The following COL5A1 variants were observed in gnomAD, a reference collection of about 807,000 sequenced individuals.
COL5A1 encodes collagen type V alpha 1 chain.
A neutral mutation model predicts 263.7 loss-of-function variants in COL5A1; 16 were observed. That is an observed-to-expected ratio of 0.06 (90% CI 0.04 to 0.09). COL5A1 has a LOEUF of 0.09. COL5A1 is among the 10% of genes least tolerant of loss of function. The pLI is 1.00. For missense variants in COL5A1, 2,036 were observed against 2,540.5 expected, an observed-to-expected ratio of 0.80 and a Z score of 4.27; for synonymous variants, 1,012 against 1,004.5, an observed-to-expected ratio of 1.01 and a Z score of -0.14.
intron 4 of COL5A1, among the ~76,000 whole-genome samples, chr9:134,705,378 G>C (rs1281003720): frequency 6.6e-6 from 1 of 152,252 alleles, no homozygotes; most frequent in Non-Finnish European, 1.5e-5. Flanking sequence ...TGCGCCTGCA[G>C]ACCAGGCCCT....
Position 134,755,755 on chromosome 9 carries a change from C to T in COL5A1, c.1828-1010C>T, listed in dbSNP as rs962899470. Among the ~76,000 whole-genome samples, 1 of 152,196 alleles carries T rather than the reference C, an allele frequency of 6.6e-6. No individual in the cohort carries two copies. Among genetic ancestry groups the T allele is most frequent in the African/African-American group, 2.4e-5 (1 of 41,454 alleles). ...AGGGCGATGTCTTTTTGGGGAGCAA[C>T]GGGAGCACCGACTGTCTCCTTGGGG... On this transcript the variant is annotated intron_variant, in intron 16 of 65. Transcript: ENST00000371817. This position sits in a 1 kb window ranked among gnomAD's most constrained non-coding sequence, Gnocchi z 4.1.
Position 134,807,093 on chromosome 9 carries a change from C to A in COL5A1, c.3366+797C>A, listed in dbSNP as rs370761848. Among the ~76,000 whole-genome samples, 4 of 152,326 alleles carry A rather than the reference C, an allele frequency of 2.6e-5. No homozygotes were observed. The East Asian group carries it at 5.8e-4, about 22-fold the overall frequency. On this transcript the variant is annotated intron_variant, in intron 42 of 65. Transcript: ENST00000371817. Reference sequence around the variant, plus strand: ...CCGTCCAGAAGTGGTCCACCCTGACCCGTATTTGGCTTCTGCCACACAATT... The same window carrying A: ...CCGTCCAGAAGTGGTCCACCCTGACACGTATTTGGCTTCTGCCACACAATT...
chr9:134,686,594 C>T lies in COL5A1; in HGVS notation c.110-4318C>T, dbSNP rs746178042. ...CACCTCCCTTCTTCCTTAAAACTGACCTTGCTGGCGTCCATTCCTTTATAG... is the reference window on the plus strand; with the variant it reads ...CACCTCCCTTCTTCCTTAAAACTGATCTTGCTGGCGTCCATTCCTTTATAG... On this transcript the variant is annotated intron_variant, in intron 1 of 65. Coordinates refer to ENST00000371817, the MANE Select transcript of COL5A1 (RefSeq NM_000093.5). The surrounding 1 kb of genome is among the most constrained non-coding windows in gnomAD (Gnocchi z 4.6). Among the ~76,000 whole-genome samples, 1 of 152,142 alleles carries T rather than the reference C, an allele frequency of 6.6e-6. No homozygotes were observed. The highest frequency in any genetic ancestry group is 2.1e-4 in the South Asian group (1 of 4,826).
intron 35 of COL5A1, among the ~76,000 whole-genome samples, 163 bp downstream of exon 35, chr9:134,796,581 T>A: frequency 6.6e-6 from 1 of 151,982 alleles, no homozygotes; most frequent in East Asian, 1.9e-4. Context: ...GCCCTGGGAG[T>A]GAACTCTTCC....
chr9:134,677,537 T>C lies in COL5A1; in HGVS notation c.110-13375T>C, dbSNP rs1832714425. Among the ~76,000 whole-genome samples, 1 of 152,170 alleles carries C rather than the reference T, an allele frequency of 6.6e-6. No individual in the cohort carries two copies. The highest frequency in any genetic ancestry group is 1.5e-5 in the Non-Finnish European group (1 of 68,018). ...CAGGCTCTTGCCCCTGATGCTGAAA[T>C]GATAGGAGGGTGAGGTTTATCAGCG... On this transcript the variant is annotated intron_variant, in intron 1 of 65. Transcript: ENST00000371817. This position sits in a 1 kb window ranked among gnomAD's most constrained non-coding sequence, Gnocchi z 4.4.
intron 4 of COL5A1, among the ~76,000 whole-genome samples, chr9:134,718,629 A>G (rs1295859262): frequency 6.6e-6 from 1 of 152,196 alleles, no homozygotes; most frequent in African/African-American, 2.4e-5. Flanking sequence ...GTGATGGGAC[A>G]AAGTTTTGGG....
chr9:134,725,110 G>A (rs889887708), intron 4 of COL5A1, among the ~76,000 whole-genome samples: 1 of 152,178 alleles, frequency 6.6e-6, no homozygotes, highest in African/African-American at 2.4e-5. Context: ...TGGCGGGACC[G>A]GAGACGCCAC....
At chr9:134,748,137 A>G (rs900219818) in intron 11 of COL5A1, among the ~76,000 whole-genome samples, 1 of 132,758 alleles carries the variant, frequency 7.5e-6, no homozygotes, top group Non-Finnish European at 1.7e-5. Flanking sequence ...CCACACATGC[A>G]TACACATGCA....
chr9:134,730,115 C>T, intron 6 of COL5A1, 121 bp from the exon 7 acceptor site: 1 of 1,446,234 alleles, frequency 6.9e-7, no homozygotes. Flanking sequence ...GGCCTCTTGA[C>T]AGGCCTGGGC....
chr9:134,840,860 A>G (rs11103542), intron 65 of COL5A1, among the ~76,000 whole-genome samples: 18,146 of 151,906 alleles, frequency 0.12, 1,098 homozygotes, highest in East Asian at 0.15. Context: ...GACCTCCTCA[A>G]CTCCCATCGA....
At chr9:134,829,505 A>G (rs1292729121) in intron 63 of COL5A1, among the ~76,000 whole-genome samples, 23 of 121,388 alleles carry the variant, frequency 1.9e-4, no homozygotes, top group South Asian at 1.4e-3. Flanking sequence ...CGCAGCCTCC[A>G]GTCTCCCCGA....
intron 53 of COL5A1, 95 bp downstream of exon 53, chr9:134,817,174 A>G (rs1247884534): frequency 8.8e-7 from 1 of 1,139,090 alleles, no homozygotes; most frequent in African/African-American, 1.5e-5. Context: ...TGGGTGCTCT[A>G]AGCTGCACTG....
chr9:134,826,847 T>C (rs1212625716), intron 63 of COL5A1, among the ~76,000 whole-genome samples: 1 of 148,634 alleles, frequency 6.7e-6, no homozygotes, highest in Non-Finnish European at 1.5e-5. Context: ...GTGTATATGG[T>C]GTGTGGGTGT....
intron 29 of COL5A1, among the ~76,000 whole-genome samples, chr9:134,784,534 C>A (rs1837379598): frequency 1.3e-5 from 2 of 152,256 alleles, no homozygotes; most frequent in South Asian, 4.1e-4. Context: ...CTCGTTATGC[C>A]CAGGTAACTG....
intron 4 of COL5A1, among the ~76,000 whole-genome samples, chr9:134,715,448 T>C (rs2132608867): frequency 6.6e-6 from 1 of 152,294 alleles, no homozygotes. Context: ...CCTCTTTTAC[T>C]AATCCTCCTC....
rs199895142 is a variant in COL5A1, at chr9:134,785,992, C to T, written c.2593-3C>T. ...CCATTAATGCAACTCTTTCTTCCCC[C>T]AGGGAAAACTCGGAGTCCCAGGGTT... On this transcript the variant is annotated splice_polypyrimidine_tract_variant and splice_region_variant and intron_variant, in intron 30 of 65. Coordinates refer to ENST00000371817, the MANE Select transcript of COL5A1 (RefSeq NM_000093.5). The T allele has an allele frequency of 7.4e-6, 12 of 1,612,988 alleles. No homozygotes were observed. The highest frequency in any genetic ancestry group is 1.0e-5 in the Non-Finnish European group (12 of 1,179,410).
At chr9:134,648,275 A>C (rs545985024) in intron 1 of COL5A1, among the ~76,000 whole-genome samples, 9 of 147,188 alleles carry the variant, frequency 6.1e-5, no homozygotes, top group Non-Finnish European at 8.9e-5. Context: ...GTAAGTCAGT[A>C]CTTAATAAAC....
chr9:134,747,764 T>TACAC (rs1370007095), intron 11 of COL5A1, among the ~76,000 whole-genome samples: 1 of 128,682 alleles, frequency 7.8e-6, no homozygotes, highest in East Asian at 2.5e-4. Flanking sequence ...CATGCATTCA[T>TACAC]ACATGCAGAC....
chr9:134,704,369 G>A (rs1481044565), intron 4 of COL5A1, among the ~76,000 whole-genome samples: 1 of 152,216 alleles, frequency 6.6e-6, no homozygotes, highest in African/African-American at 2.4e-5. Context: ...CAGCAAACAT[G>A]CCAGAGTTTA....
Sources: gnomAD v4.1 joint callset for allele counts (sites outside exome capture counted in the v4.1 genomes callset) on GRCh38, gnomAD v4.1.1 for gene constraint, Gnocchi (gnomAD v3.1) non-coding constraint, MANE v1.5 for transcripts, NCBI Gene and HGNC (gene_info 2026-07-23, HGNC 2026-07-21) for gene names.